Variants in CELSR2 observed in about 807,000 individuals in gnomAD.
CELSR2 encodes EGF-like protein 2.
In CELSR2, 81 loss-of-function variants were observed where a neutral mutation model predicts 251.6. The observed-to-expected ratio is 0.32, with a 90% CI of 0.27 to 0.39. The LOEUF is 0.39. Ranked by LOEUF, CELSR2 falls within the 10% of genes least tolerant of loss-of-function variation. The probability of loss-of-function intolerance (pLI) is 1.00; values close to 1 mark genes in which losing one functional copy is unlikely to be tolerated. For synonymous variants in CELSR2, 1,721 were observed against 1,670.5 expected (o/e 1.03, Z -0.74); for missense variants, 3,365 against 3,947.7 (o/e 0.85, Z 3.96).
In CELSR2 at chr1:109,251,988, C is replaced by T. The variant is rs1480411055; in HGVS notation, c.1909C>T (p.Arg637Cys). 20 of 1,614,052 alleles carry T rather than the reference C, an allele frequency of 1.2e-5. No individual in the cohort carries two copies. Among genetic ancestry groups the T allele is most frequent in the South Asian group, 4.4e-5 (4 of 91,072 alleles). ...TSVVTVSAVD[R>C]DAHSVITYQI... ...CGTGGTGACGGTGTCAGCTGTGGAC[C>T]GTGATGCTCATAGTGTCATCACCTA... Residue 637 changes from arginine to cysteine, a missense_variant, in exon 1 of 34, where the codon CGT becomes TGT. This residue lies in a region of CELSR2 where 60 missense variants were observed against 104.8 expected (regional missense o/e 0.57). Transcript: ENST00000271332. The surrounding 1 kb of genome is among the most constrained non-coding windows in gnomAD (Gnocchi z 4.9).
rs928093782 is a variant in CELSR2, at chr1:109,268,140, A to G, written c.6318+80A>G. 78 of 1,512,344 alleles carry G rather than the reference A, an allele frequency of 5.2e-5. No individual in the cohort carries two copies. In the Admixed American group the frequency reaches 5.7e-4, roughly 11 times the overall value. The allele number at this position is 1,512,344 out of a possible 1,614,324, so 93.7% of individuals were successfully genotyped here. On this transcript the variant is annotated intron_variant, in intron 17 of 33. Transcript: ENST00000271332. Reference sequence around the variant, plus strand: ...GCCTGCTCATGGCAACCTGGGGGGCAGAGGGGGCCCTCCCATCCCACCTAC... The same window carrying G: ...GCCTGCTCATGGCAACCTGGGGGGCGGAGGGGGCCCTCCCATCCCACCTAC...
At position 109,265,905 on chromosome 1, in the gene CELSR2, C is replaced by T. The variant is rs765575818; in HGVS notation, c.5898C>T (p.Thr1966=). The T allele has an allele frequency of 1.7e-5, 28 of 1,612,164 alleles. No homozygotes were observed. In the South Asian group the frequency reaches 2.6e-4, roughly 15 times the overall value. The change falls in exon 14 of 34, where the codon ACC becomes ACT. Residue 1966 remains threonine, a synonymous_variant. Coordinates refer to ENST00000271332, the MANE Select transcript of CELSR2 (RefSeq NM_001408.3). The part of the protein sequence containing the change: ...RCDNPFAEVT[T]NGCEVNYDSC... ...ACAACCCTTTTGCTGAGGTCACCAC[C>T]AATGGCTGTGAAGGTGGGGCTCCTG...
At chr1:109,253,493 C>T (rs1570776555) in intron 1 of CELSR2, 104 bp downstream of exon 1, 1 of 1,473,130 alleles carries the variant, frequency 6.8e-7, no homozygotes, top group Non-Finnish European at 9.0e-7. Flanking sequence ...ACAGATCCAC[C>T]TCCCTGCCCA....
intron 2 of CELSR2, among the ~76,000 whole-genome samples, chr1:109,259,669 A>G (rs1655965200): frequency 6.6e-6 from 1 of 152,134 alleles, no homozygotes; most frequent in Admixed American, 6.5e-5. Context: ...CCAGGCATTA[A>G]GGGGAAGACA....
chr1:109,274,070 G>GCCCGAGGCTCCCTTCCCTTCCCCAGC lies in CELSR2; in HGVS notation c.*23_*48dup. 1 of 1,613,772 alleles carries GCCCGAGGCTCCCTTCCCTTCCCCAGC rather than the reference G, an allele frequency of 6.2e-7. No individual in the cohort carries two copies. Among genetic ancestry groups the GCCCGAGGCTCCCTTCCCTTCCCCAGC allele is most frequent in the Non-Finnish European group, 8.5e-7 (1 of 1,179,966 alleles). On this transcript the variant is annotated 3_prime_UTR_variant, in exon 34 of 34. Coordinates refer to ENST00000271332, the MANE Select transcript of CELSR2 (RefSeq NM_001408.3). ...ATTAACCCTGGGCCGTGGTTCCTAC[G>GCCCGAGGCTCCCTTCCCTTCCCCAGC]CCCGAGGCTCCCTTCCCTTCCCCAG...
At chr1:109,270,326 C>A in intron 23 of CELSR2, 100 bp from the exon 24 acceptor site, 2 of 1,406,382 alleles carry the variant, frequency 1.4e-6, no homozygotes, top group South Asian at 1.3e-5. Context: ...TCCCTGGAAG[C>A]AGTTCCCAAC....
chr1:109,267,403 T>A, intron 15 of CELSR2, 145 bp from the exon 16 acceptor site: 1 of 668,156 alleles, frequency 1.5e-6, no homozygotes, highest in Non-Finnish European at 2.5e-6. Context: ...TCTACATACC[T>A]GTCTTCCTGT....
chr1:109,268,540 G>A, intron 17 of CELSR2, 41 bp from the exon 18 acceptor site: 1 of 1,564,012 alleles, frequency 6.4e-7, no homozygotes, highest in Non-Finnish European at 8.7e-7. Flanking sequence ...GATGTCAGGT[G>A]TGGGTTGTGA....
chr1:109,260,940 G>A (rs1656002879), intron 2 of CELSR2, 102 bp from the exon 3 acceptor site: 3 of 833,496 alleles, frequency 3.6e-6, no homozygotes, highest in Non-Finnish European at 5.8e-6. Flanking sequence ...AGTATTACGA[G>A]GGTCACGGGA....
intron 16 of CELSR2, 81 bp downstream of exon 16, chr1:109,267,723 G>C: frequency 1.9e-6 from 3 of 1,562,984 alleles, no homozygotes; most frequent in Non-Finnish European, 2.6e-6. Context: ...CTTTGAGAAC[G>C]GGGCTTCTGG....
intron 2 of CELSR2, among the ~76,000 whole-genome samples, chr1:109,260,629 GCTTGTGCACATTTACCCT>G (rs1443660346): frequency 1.3e-5 from 2 of 152,176 alleles, no homozygotes; most frequent in African/African-American, 2.4e-5. Flanking sequence ...AGGCCCATCT[GCTTGTGCACATTTACCCT>G]CTTGGGGGCC....
At chr1:109,264,671 T>C in intron 11 of CELSR2, 43 bp downstream of exon 11, 1 of 1,595,484 alleles carries the variant, frequency 6.3e-7, no homozygotes, top group South Asian at 1.1e-5. Context: ...ATCAGGTGCC[T>C]GGGGCCACAT....
At chr1:109,262,608 G>A (rs1656049564) in intron 6 of CELSR2, among the ~76,000 whole-genome samples, 164 bp downstream of exon 6, 2 of 152,342 alleles carry the variant, frequency 1.3e-5, no homozygotes, top group Middle Eastern at 3.4e-3. Context: ...GCAAGGCCCT[G>A]TGGGGCAGTC....
At position 109,273,006 on chromosome 1, in the gene CELSR2, C is replaced by A; in HGVS notation, c.8317C>A (p.Pro2773Thr). ...GCTGGGGCCTGGAGCAGAGAGACTG[C>A]CCCTGCACAGTACTCCCAAGGGTGG... is the stretch of plus-strand genomic sequence containing the variant. The part of the protein sequence containing the change: ...SLLGPGAERL[P>T]LHSTPKDGGP... The change falls in exon 31 of 34, where the codon CCC (proline) becomes ACC (threonine). Residue 2773 changes from proline (P) to threonine (T), a missense_variant. Coordinates refer to ENST00000271332, the MANE Select transcript of CELSR2 (RefSeq NM_001408.3). 1 of 1,612,704 alleles carries A rather than the reference C, an allele frequency of 6.2e-7. No individual in the cohort carries two copies. The highest frequency in any genetic ancestry group is 8.5e-7 in the Non-Finnish European group (1 of 1,179,354).
chr1:109,267,687 T>C, intron 16 of CELSR2, 45 bp downstream of exon 16: 1 of 1,601,844 alleles, frequency 6.2e-7, no homozygotes. Flanking sequence ...TCCTTCGTCC[T>C]GAGTCTCACT....
At chr1:109,260,128 G>A (rs1440431091) in intron 2 of CELSR2, among the ~76,000 whole-genome samples, 3 of 148,996 alleles carry the variant, frequency 2.0e-5, no homozygotes, top group Non-Finnish European at 4.5e-5. Context: ...GGGGAGGGAC[G>A]GGCTTGGGGG....
chr1:109,273,864 T>C, intron 33 of CELSR2, 158 bp from the exon 34 acceptor site: 2 of 1,155,848 alleles, frequency 1.7e-6, no homozygotes, highest in Non-Finnish European at 2.6e-6. Flanking sequence ...CCTCCTAGGC[T>C]CTACGCGGCG....
rs1655628313 is a variant in CELSR2, at chr1:109,249,968, G to C, written c.-112G>C. The C allele has an allele frequency of 9.8e-7, 1 of 1,018,322 alleles. No homozygotes were observed. Among genetic ancestry groups the C allele is most frequent in the African/African-American group, 1.7e-5 (1 of 59,122 alleles). 63.1% of individuals were successfully genotyped at this position (1,018,322 alleles called of 1,614,324 possible). On this transcript the variant is annotated 5_prime_UTR_variant, in exon 1 of 34. Coordinates refer to ENST00000271332, the MANE Select transcript of CELSR2 (RefSeq NM_001408.3). ...GCAGGCCCCGCGGGGCGCACGGGAG[G>C]CCCCCGGGGACTGGCGCCCTGGCCC...
chr1:109,261,860 C>T lies in CELSR2; in HGVS notation c.4350C>T (p.Gly1450=). The T allele has an allele frequency of 1.3e-6, 2 of 1,592,204 alleles. No individual in the cohort carries two copies. The highest frequency in any genetic ancestry group is 1.3e-5 in the African/African-American group (1 of 74,460). ...TCGTGCCCGGAGGAGTCAGTGATGG[C>T]CAGTGGCATACGGTGCAGCTGAAAT... ...SPFVPGGVSD[G]QWHTVQLKYY... The change falls in exon 5 of 34, where the codon GGC becomes GGT. Residue 1450 remains glycine (G), a synonymous_variant. Transcript: ENST00000271332. The surrounding 1 kb of genome is among the most constrained non-coding windows in gnomAD (Gnocchi z 4.8).
Sources: gnomAD v4.1 joint callset for allele counts (sites outside exome capture counted in the v4.1 genomes callset) on GRCh38, gnomAD v4.1.1 for gene constraint, gnomAD v4.1.1 regional missense constraint, Gnocchi (gnomAD v3.1) non-coding constraint, MANE v1.5 for transcripts, NCBI Gene and HGNC (gene_info 2026-07-23, HGNC 2026-07-21) for gene names.